NAV3: variants seen among roughly 807,000 people sequenced by gnomAD.
NAV3 encodes neuron navigator 3.
A neutral mutation model predicts 244.7 loss-of-function variants in NAV3; 87 were observed. The ratio of observed to expected loss-of-function variants is 0.36; its 90% CI spans 0.30 to 0.42. The LOEUF (loss-of-function observed/expected upper bound fraction) is 0.42, where lower values mean the gene tolerates loss of function less well. NAV3 is among the 20% of genes least tolerant of loss of function. NAV3 has a pLI of 1.00. For missense variants in NAV3, 2,663 were observed against 2,893.3 expected (o/e 0.92, Z 1.83); for synonymous variants, 1,126 against 1,042.2 (o/e 1.08, Z -1.55).
intron 1 of NAV3, among the ~76,000 whole-genome samples, chr12:77,867,483 G>A (rs867248534): frequency 2.0e-5 from 3 of 152,038 alleles, no homozygotes; most frequent in East Asian, 1.9e-4. Context: ...GCAGTGGCGC[G>A]ATCTCAGCTC....
chr12:77,760,053 C>T (rs530228153), intron 2 of NAV3, among the ~76,000 whole-genome samples: 8 of 152,244 alleles, frequency 5.3e-5, no homozygotes, highest in Admixed American at 1.3e-4. Flanking sequence ...TTTGACTATT[C>T]GAGACTTTTG....
intron 2 of NAV3, among the ~76,000 whole-genome samples, chr12:77,781,024 A>C (rs1215549711): frequency 6.6e-6 from 1 of 152,170 alleles, no homozygotes; most frequent in Non-Finnish European, 1.5e-5. Flanking sequence ...GCTGCATAAC[A>C]ATAACCACAC....
chr12:78,147,400 T>TA (rs988695100), intron 21 of NAV3, among the ~76,000 whole-genome samples: 2 of 152,004 alleles, frequency 1.3e-5, no homozygotes, highest in African/African-American at 4.8e-5. Context: ...AGTTATGGTT[T>TA]AAAAAAACAA....
At position 77,988,157 on chromosome 12, in the gene NAV3, TCAC is replaced by T. The variant is rs368100400; in HGVS notation, c.672-6644_672-6642del. 1.3e-3 allele frequency among the ~76,000 whole-genome samples: 199 copies of T among 152,286 alleles called. 2 individuals are homozygous for T. Among genetic ancestry groups the T allele is most frequent in the African/African-American group, 4.4e-3 (184 of 41,560 alleles). On this transcript the variant is annotated intron_variant, in intron 5 of 39. Transcript: ENST00000397909. The stretch of plus-strand genomic sequence containing the variant: ...TCTCCAATGTTATTATGCATAGGAA[TCAC>T]CTGCGGATTCTGTTTAAATGAAGAT...
chr12:78,063,236 C>T (rs1281661501), intron 12 of NAV3, among the ~76,000 whole-genome samples: 1 of 152,128 alleles, frequency 6.6e-6, no homozygotes, highest in Non-Finnish European at 1.5e-5. Flanking sequence ...ACACCAACCC[C>T]ATTTCTGTAT....
chr12:77,639,160 C>T (rs1872283563), intron 2 of NAV3, among the ~76,000 whole-genome samples: 1 of 152,020 alleles, frequency 6.6e-6, no homozygotes, highest in Non-Finnish European at 1.5e-5. Flanking sequence ...TTTGGATTCC[C>T]AATAAATCTA....
At chr12:78,171,759 A>T (rs1350433578) in intron 24 of NAV3, among the ~76,000 whole-genome samples, 1 of 151,492 alleles carries the variant, frequency 6.6e-6, no homozygotes, top group Non-Finnish European at 1.5e-5. Context: ...ATCACATTGA[A>T]ATTCACTTTT....
chr12:78,121,998 A>G lies in NAV3; in HGVS notation c.3808A>G (p.Lys1270Glu). The G allele has an allele frequency of 6.2e-7, 1 of 1,614,184 alleles. No homozygotes were observed. Among genetic ancestry groups the G allele is most frequent in the Non-Finnish European group, 8.5e-7 (1 of 1,180,036 alleles). ...CTCTGCACCTAATACTGAGGGTGTG[A>G]AATCTTCCTCAGTAATGCCCAGCCC... is the stretch of plus-strand genomic sequence containing the variant. ...SASAPNTEGVKSSSVMPSPST... is the reference protein window; with the variant it reads ...SASAPNTEGVESSSVMPSPST... The change falls in exon 16 of 40, where the codon AAA becomes GAA. Residue 1270 changes from lysine to glutamate, a missense_variant. By Grantham distance (56) the Lys-to-Glu change is moderately conservative. Coordinates refer to ENST00000397909, the MANE Select transcript of NAV3 (RefSeq NM_001024383.2).
At chr12:77,754,448 T>G (rs902995717) in intron 2 of NAV3, among the ~76,000 whole-genome samples, 1 of 152,210 alleles carries the variant, frequency 6.6e-6, no homozygotes, top group Non-Finnish European at 1.5e-5. Context: ...TATGGTGACC[T>G]TCATTGCTCC....
chr12:78,078,817 T>A (rs1953202518), intron 12 of NAV3, among the ~76,000 whole-genome samples: 1 of 152,138 alleles, frequency 6.6e-6, no homozygotes, highest in South Asian at 2.1e-4. Flanking sequence ...TGAGATTTGG[T>A]TTCCCCTCCC....
chr12:78,198,669 A>G lies in NAV3; in HGVS notation c.6511A>G (p.Asn2171Asp). The part of the protein sequence containing the change: ...SSSPNLELHH[N>D]FRWVLCANHT... ...ATCACCAAATCTAGAGCTGCATCAC[A>G]ATTTCAGGTAAAGTTAAGTTGAAGG... is the stretch of plus-strand genomic sequence containing the variant. Residue 2171 changes from asparagine to aspartate, a missense_variant, in exon 36 of 40, where the codon AAT (asparagine) becomes GAT (aspartate). Transcript: ENST00000397909. 6.4e-7 allele frequency: 1 copy of G among 1,560,176 alleles called. No homozygotes were observed. The highest frequency in any genetic ancestry group is 8.7e-7 in the Non-Finnish European group (1 of 1,150,706).
intron 12 of NAV3, among the ~76,000 whole-genome samples, chr12:78,096,842 C>G (rs543196080): frequency 6.6e-6 from 1 of 152,090 alleles, no homozygotes; most frequent in Admixed American, 6.6e-5. Flanking sequence ...AGGTTCTGAG[C>G]CTTTCCAGTT....
chr12:78,150,373 A>C (rs1203447617), intron 22 of NAV3, among the ~76,000 whole-genome samples: 1 of 152,076 alleles, frequency 6.6e-6, no homozygotes, highest in Non-Finnish European at 1.5e-5. Flanking sequence ...CATATAATTC[A>C]GATATTGGAA....
intron 2 of NAV3, among the ~76,000 whole-genome samples, chr12:77,694,188 C>T (rs777967683): frequency 7.2e-5 from 11 of 151,786 alleles, no homozygotes; most frequent in African/African-American, 1.9e-4. Context: ...TCTCTTTGGC[C>T]GGGCATGGTG....
At chr12:77,718,958 A>T (rs1876489257) in intron 2 of NAV3, among the ~76,000 whole-genome samples, 1 of 152,168 alleles carries the variant, frequency 6.6e-6, no homozygotes, top group African/African-American at 2.4e-5. Flanking sequence ...CCTGGTCAGG[A>T]TGTCTTTCCA....
In NAV3 at chr12:77,998,322, C is replaced by T; in HGVS notation, c.741-15C>T. 6.5e-7 allele frequency: 1 copy of T among 1,541,712 alleles called. No homozygotes were observed. Among genetic ancestry groups the T allele is most frequent in the Non-Finnish European group, 8.7e-7 (1 of 1,150,968 alleles). ...AATGTACAATAATGATGTAATTTTT[C>T]TTATACTATTTCAGGCTTCCAGGGC... On this transcript the variant is annotated splice_polypyrimidine_tract_variant and intron_variant, in intron 6 of 39. Transcript: ENST00000397909.
chr12:77,909,344 C>T (rs570808124), intron 1 of NAV3, among the ~76,000 whole-genome samples: 11 of 151,852 alleles, frequency 7.2e-5, no homozygotes, highest in Admixed American at 2.0e-4. Flanking sequence ...TTTGTCCATC[C>T]GGGTAACAAC....
chr12:77,976,140 T>C (rs957500220), intron 5 of NAV3, among the ~76,000 whole-genome samples: 2 of 152,044 alleles, frequency 1.3e-5, no homozygotes, highest in African/African-American at 2.4e-5. Flanking sequence ...GAAAAAAATA[T>C]GAGGAAAGGT....
chr12:77,767,056 A>AT (rs1344940710), intron 2 of NAV3, among the ~76,000 whole-genome samples: 8 of 152,006 alleles, frequency 5.3e-5, no homozygotes, highest in Non-Finnish European at 8.8e-5. Context: ...CCAGCCAAGA[A>AT]TTTTTTTACA....
Sources: allele counts gnomAD v4.1 joint callset (sites outside exome capture counted in the v4.1 genomes callset), GRCh38; gene constraint gnomAD v4.1.1; transcripts MANE v1.5; gene names NCBI Gene and HGNC (gene_info 2026-07-23, HGNC 2026-07-21).